The following CORIN variants were observed in gnomAD, a reference collection of about 807,000 sequenced individuals.
The protein encoded by CORIN is atrial natriuretic peptide-converting enzyme.
Under a neutral mutation model 125.3 loss-of-function variants are expected in CORIN, and 117 were observed. That is an observed-to-expected ratio of 0.93 (90% confidence interval 0.80 to 1.09). CORIN has a LOEUF of 1.09. Among genes scored for constraint, CORIN ranks in the 50% least tolerant of loss-of-function variants. CORIN has a pLI of 0.00. For synonymous variants in CORIN, 450 were observed against 466.4 expected, an observed-to-expected ratio of 0.96 and a Z score of 0.45; for missense variants, 1,253 against 1,306.7, an observed-to-expected ratio of 0.96 and a Z score of 0.63.
rs924034468 is a variant in CORIN, at chr4:47,707,126, A to G, written c.800-14043T>C. On this transcript the variant is annotated intron_variant, in intron 5 of 21. Transcript: ENST00000273857. ...GTCAAATTAAGAAAGTTAAAGTGCA[A>G]TAATGTTTGAAGACAATAAGTGGTG... 44 of 1,393,742 alleles carry G rather than the reference A, an allele frequency of 3.2e-5. No individual in the cohort carries two copies. In the African/African-American group the frequency reaches 5.4e-4, roughly 17 times the overall value. 86.3% of individuals were successfully genotyped at this position (1,393,742 alleles called of 1,614,324 possible). A position where few individuals can be genotyped will look rare whatever the true frequency, so the allele number is the denominator to read the frequency against.
rs997228520 is a variant in CORIN, at chr4:47,828,163, G to GT, written c.63+9723dup. On this transcript the variant is annotated intron_variant, in intron 1 of 21. Coordinates refer to ENST00000273857, the MANE Select transcript of CORIN (RefSeq NM_006587.4). The stretch of plus-strand genomic sequence containing the variant: ...ATGGCATAATCAGAAGTATGTGTTT[G>GT]TTTTTTTTCCCAATTCCTGACACAG... 4.6e-5 allele frequency among the ~76,000 whole-genome samples: 7 copies of GT among 151,874 alleles called. No individual in the cohort carries two copies. In the East Asian group the frequency reaches 7.7e-4, roughly 17 times the overall value.
chr4:47,673,179 A>T (rs539498864), intron 10 of CORIN, among the ~76,000 whole-genome samples: 160 of 142,830 alleles, frequency 1.1e-3, no homozygotes, highest in East Asian at 4.9e-3. Context: ...TCTTTACCAA[A>T]AAATAAATAA....
chr4:47,831,619 T>C (rs1174370785), intron 1 of CORIN: 1 of 152,198 alleles, frequency 6.6e-6, no homozygotes, highest in Non-Finnish European at 1.5e-5. Flanking sequence ...ACATTACAGA[T>C]TGTGCTTGCA....
rs16860533 is a variant in CORIN at position 47,673,578 on chromosome 4, G to A, written c.1357+815C>T. On this transcript the variant is annotated intron_variant, in intron 10 of 21. Transcript: ENST00000273857. ...GGGATTTTCTGATTCCATTTTCCAT[G>A]AGAGTCCATAGGGTGCTCTTTCACT... is the stretch of plus-strand genomic sequence containing the variant. Among the ~76,000 whole-genome samples the A allele has an allele frequency of 6.1e-3, 923 of 152,116 alleles. 13 individuals carry two copies. The highest frequency in any genetic ancestry group is 0.021 in the African/African-American group (884 of 41,468).
chr4:47,732,135 A>T (rs78009474), intron 5 of CORIN, among the ~76,000 whole-genome samples: 113 of 152,266 alleles, frequency 7.4e-4, no homozygotes, highest in Non-Finnish European at 1.4e-3. Context: ...AATATATAAG[A>T]TGTTGAGAAA....
chr4:47,639,705 G>T (rs1174933782), intron 16 of CORIN, among the ~76,000 whole-genome samples: 1 of 152,210 alleles, frequency 6.6e-6, no homozygotes, highest in Non-Finnish European at 1.5e-5. Flanking sequence ...TGACTCAAAG[G>T]TGCAGGGTGA....
chr4:47,638,512 C>T (rs1451484444), intron 16 of CORIN, among the ~76,000 whole-genome samples: 1 of 152,150 alleles, frequency 6.6e-6, no homozygotes, highest in East Asian at 1.9e-4. Context: ...GCAAGTCTTT[C>T]CTGTACTGTC....
At chr4:47,773,189 G>T (rs1730140306) in intron 3 of CORIN, among the ~76,000 whole-genome samples, 2 of 152,088 alleles carry the variant, frequency 1.3e-5, no homozygotes, top group Admixed American at 6.5e-5. Context: ...GAAATTATTT[G>T]TTTTTCATGC....
At chr4:47,714,911 A>T (rs1727018311) in intron 5 of CORIN, among the ~76,000 whole-genome samples, 1 of 152,236 alleles carries the variant, frequency 6.6e-6, no homozygotes, top group East Asian at 1.9e-4. Context: ...ACTCAGAAGA[A>T]TGAGACTTAA....
chr4:47,733,153 GAAGTTAT>G (rs1727964639), intron 5 of CORIN, among the ~76,000 whole-genome samples: 1 of 124,032 alleles, frequency 8.1e-6, no homozygotes, highest in African/African-American at 3.1e-5. Flanking sequence ...CTCAAATAAA[GAAGTTAT>G]CTGAAATACA....
chr4:47,711,416 ATTC>A lies in CORIN; in HGVS notation c.800-18336_800-18334del, dbSNP rs576736387. On this transcript the variant is annotated intron_variant, in intron 5 of 21. Transcript: ENST00000273857. ...CTCTCCAACAGAATGGGAGCAAGTCATTCTTCTACTTCACCTCCTTCAAAGAGA... is the reference window on the plus strand; with the variant it reads ...CTCTCCAACAGAATGGGAGCAAGTCATTCTACTTCACCTCCTTCAAAGAGA... Among the ~76,000 whole-genome samples, 471 of 152,356 alleles carry A rather than the reference ATTC, an allele frequency of 3.1e-3. 3 individuals are homozygous for A. The highest frequency in any genetic ancestry group is 1.0e-2 in the African/African-American group (415 of 41,596).
At chr4:47,763,256 G>T in intron 4 of CORIN, 123 bp downstream of exon 4, 1 of 687,522 alleles carries the variant, frequency 1.5e-6, no homozygotes, top group Non-Finnish European at 2.5e-6. Context: ...ATTAGAACTA[G>T]CCATGACTAA....
intron 5 of CORIN, among the ~76,000 whole-genome samples, chr4:47,714,302 C>T (rs1306230910): frequency 2.0e-5 from 3 of 152,056 alleles, no homozygotes; most frequent in Non-Finnish European, 4.4e-5. Flanking sequence ...AAGTGATTAA[C>T]ACAAACCGAA....
chr4:47,832,467 T>C (rs2109993302), intron 1 of CORIN, among the ~76,000 whole-genome samples: 1 of 142,078 alleles, frequency 7.0e-6, no homozygotes, highest in East Asian at 2.0e-4. Flanking sequence ...TTTTTTGAGA[T>C]GGAGTCTCGC....
intron 16 of CORIN, among the ~76,000 whole-genome samples, chr4:47,635,295 A>T (rs1313364104): frequency 6.7e-6 from 1 of 148,884 alleles, no homozygotes. Context: ...TAGTTAGAGG[A>T]ACAAATTACA....
intron 4 of CORIN, among the ~76,000 whole-genome samples, chr4:47,762,471 A>G (rs1729514302): frequency 6.6e-6 from 1 of 152,210 alleles, no homozygotes; most frequent in East Asian, 1.9e-4. Flanking sequence ...TATTTCAAAA[A>G]TTCCATGATA....
chr4:47,681,290 A>T (rs547010651), intron 7 of CORIN: 6 of 152,456 alleles, frequency 3.9e-5, no homozygotes, highest in Admixed American at 3.9e-4. Flanking sequence ...GAAGAAAAGC[A>T]TAAGAAGTGC....
intron 3 of CORIN, among the ~76,000 whole-genome samples, chr4:47,776,541 CATCATAA>C (rs1161074606): frequency 1.3e-5 from 2 of 152,310 alleles, no homozygotes; most frequent in East Asian, 3.9e-4. Flanking sequence ...GCCATCAGGA[CATCATAA>C]ATCAGTCTCC....
intron 19 of CORIN, among the ~76,000 whole-genome samples, chr4:47,617,365 G>A (rs1158122980): frequency 6.6e-6 from 1 of 152,220 alleles, no homozygotes; most frequent in Non-Finnish European, 1.5e-5. Context: ...GAAAGACACA[G>A]GCAAGTAACC....
Sources: gnomAD v4.1 joint callset for allele counts (sites outside exome capture counted in the v4.1 genomes callset) on GRCh38, gnomAD v4.1.1 for gene constraint, MANE v1.5 for transcripts, NCBI Gene and HGNC (gene_info 2026-07-23, HGNC 2026-07-21) for gene names.